The following CELF4 variants were observed in gnomAD, a reference collection of about 807,000 sequenced individuals.
CELF4 encodes the protein CUGBP Elav-like family member 4, also known as CUG-BP- and ETR-3-like factor 4.
In CELF4, 18 loss-of-function variants were observed where a neutral mutation model predicts 59.9. The observed-to-expected ratio is 0.30, with a 90% CI of 0.21 to 0.45. The LOEUF is 0.45. Among genes scored for constraint, CELF4 ranks in the 20% least tolerant of loss-of-function variants. The pLI, the probability that CELF4 is intolerant of heterozygous loss-of-function variation, is 1.00. For missense variants in CELF4, 456 were observed against 689.0 expected, an observed-to-expected ratio of 0.66 and a Z score of 3.79; for synonymous variants, 261 against 267.1, an observed-to-expected ratio of 0.98 and a Z score of 0.22.
At chr18:37,449,377 A>G (rs2099756888) in intron 2 of CELF4, among the ~76,000 whole-genome samples, 1 of 152,166 alleles carries the variant, frequency 6.6e-6, no homozygotes, top group Non-Finnish European at 1.5e-5. Context: ...GGAAAGGGGC[A>G]TGACAGTGCT....
intron 2 of CELF4, among the ~76,000 whole-genome samples, chr18:37,363,548 A>T (rs1375594736): frequency 6.6e-6 from 1 of 152,164 alleles, no homozygotes; most frequent in African/African-American, 2.4e-5. Context: ...GTTACCAGAG[A>T]GTTATGCTAG....
At position 37,494,764 on chromosome 18, in the gene CELF4, G is replaced by A. The variant is rs190787304; in HGVS notation, c.287-9157C>T. Among the ~76,000 whole-genome samples, 354 of 152,236 alleles carry A rather than the reference G, an allele frequency of 2.3e-3. 1 individual carries two copies. Among genetic ancestry groups the A allele is most frequent in the Non-Finnish European group, 3.8e-3 (256 of 68,016 alleles). On this transcript the variant is annotated intron_variant, in intron 1 of 12. Coordinates refer to ENST00000420428, the MANE Select transcript of CELF4 (RefSeq NM_020180.4). ...GCTCAGTTCCTGCTTTCCCCTCCAG[G>A]AGCCCTAGGCAGTGTCTGAGGACAG...
At chr18:37,437,108 G>A (rs948547) in intron 2 of CELF4, among the ~76,000 whole-genome samples, 17,791 of 152,118 alleles carry the variant, frequency 0.12, 1,101 homozygotes, top group Middle Eastern at 0.16. Flanking sequence ...CATAGCTGGG[G>A]GCCAGGCTCC....
intron 3 of CELF4, among the ~76,000 whole-genome samples, chr18:37,313,926 G>T (rs1163314388): frequency 2.0e-5 from 3 of 152,200 alleles, no homozygotes; most frequent in African/African-American, 7.2e-5. Context: ...ATCAGTGCTG[G>T]CATGGTGAGG....
chr18:37,336,236 C>G (rs1005147196), intron 2 of CELF4, among the ~76,000 whole-genome samples: 2 of 152,234 alleles, frequency 1.3e-5, no homozygotes, highest in Non-Finnish European at 2.9e-5. Context: ...CTCCTTTTCT[C>G]TATCCTGTGT....
chr18:37,383,312 C>T (rs2099063508), intron 2 of CELF4, among the ~76,000 whole-genome samples: 1 of 152,154 alleles, frequency 6.6e-6, no homozygotes, highest in African/African-American at 2.4e-5. Flanking sequence ...GGTGGTGCTG[C>T]AGCAGGAAAT....
At chr18:37,417,780 C>T (rs538904485) in intron 2 of CELF4, among the ~76,000 whole-genome samples, 3 of 152,212 alleles carry the variant, frequency 2.0e-5, no homozygotes, top group South Asian at 4.1e-4. Flanking sequence ...TCAACCCCAT[C>T]CAGATGTCCT....
At chr18:37,484,935 C>G (rs1406074077) in intron 2 of CELF4, among the ~76,000 whole-genome samples, 1 of 152,140 alleles carries the variant, frequency 6.6e-6, no homozygotes, top group Non-Finnish European at 1.5e-5. Context: ...CAGGAGAGAC[C>G]GCGCAGACCC....
At chr18:37,355,578 C>G (rs1335704084) in intron 2 of CELF4, among the ~76,000 whole-genome samples, 2 of 152,086 alleles carry the variant, frequency 1.3e-5, no homozygotes, top group Admixed American at 6.5e-5. Context: ...GAGGCTGAGG[C>G]AGGAGAATCG....
chr18:37,499,836 G>A (rs781308781), intron 1 of CELF4, among the ~76,000 whole-genome samples: 6 of 152,246 alleles, frequency 3.9e-5, no homozygotes, highest in Non-Finnish European at 8.8e-5. Flanking sequence ...ATCCAGCACA[G>A]TCCTGGCACC....
chr18:37,383,514 C>T (rs1003061651), intron 2 of CELF4, among the ~76,000 whole-genome samples: 1 of 152,218 alleles, frequency 6.6e-6, no homozygotes, highest in Non-Finnish European at 1.5e-5. Context: ...AATCCTCAGC[C>T]AGCTGAAAAC....
chr18:37,351,601 T>C (rs1443623069), intron 2 of CELF4, among the ~76,000 whole-genome samples: 1 of 115,008 alleles, frequency 8.7e-6, no homozygotes, highest in Middle Eastern at 5.1e-3. Context: ...CTTTTCTTTT[T>C]CTTCTTCTTC....
chr18:37,470,841 T>A (rs2099819164), intron 2 of CELF4, among the ~76,000 whole-genome samples: 1 of 35,466 alleles, frequency 2.8e-5, no homozygotes, highest in Admixed American at 4.2e-4. Context: ...TGACTCTGTG[T>A]GTGTGTGTGT....
Position 37,275,258 on chromosome 18 carries a change from G to A in CELF4, c.449-15C>T, listed in dbSNP as rs2092895723. On this transcript the variant is annotated splice_polypyrimidine_tract_variant and intron_variant, in intron 3 of 12. Transcript: ENST00000420428. ...TTTTCTATCTTCTAGAACAAAATTA[G>A]GAGATGCTTACCCGGGCCAGGGACC... The A allele has an allele frequency of 6.2e-7, 1 of 1,613,128 alleles. No homozygotes were observed. Among genetic ancestry groups the A allele is most frequent in the Non-Finnish European group, 8.5e-7 (1 of 1,179,748 alleles).
At chr18:37,408,893 T>C (rs1750713955) in intron 2 of CELF4, among the ~76,000 whole-genome samples, 1 of 152,174 alleles carries the variant, frequency 6.6e-6, no homozygotes, top group South Asian at 2.1e-4. Context: ...GCTCTGGTCT[T>C]AGGAAGCACA....
At chr18:37,383,124 A>G (rs2099060941) in intron 2 of CELF4, among the ~76,000 whole-genome samples, 1 of 152,194 alleles carries the variant, frequency 6.6e-6, no homozygotes, top group Non-Finnish European at 1.5e-5. Flanking sequence ...CCTGGGCTCA[A>G]GCCATCCTCT....
chr18:37,462,756 C>A (rs2099797192), intron 2 of CELF4, among the ~76,000 whole-genome samples: 1 of 151,628 alleles, frequency 6.6e-6, no homozygotes, highest in African/African-American at 2.4e-5. Context: ...ACCCCTGGCC[C>A]AGCACAAATT....
chr18:37,539,462 CACACACACAA>C (rs1204690509), intron 1 of CELF4, among the ~76,000 whole-genome samples: 96 of 114,400 alleles, frequency 8.4e-4, no homozygotes, highest in African/African-American at 3.5e-3. Flanking sequence ...CACACACACA[CACACACACAA>C]ACACACACAC....
intron 2 of CELF4, among the ~76,000 whole-genome samples, chr18:37,340,464 G>A (rs937341108): frequency 1.3e-5 from 2 of 152,324 alleles, no homozygotes; most frequent in African/African-American, 2.4e-5. Flanking sequence ...CTGAATTGGG[G>A]ATGAGCCTGG....
Sources: gnomAD v4.1 joint callset for allele counts (sites outside exome capture counted in the v4.1 genomes callset) on GRCh38, gnomAD v4.1.1 for gene constraint, MANE v1.5 for transcripts, NCBI Gene and HGNC (gene_info 2026-07-23, HGNC 2026-07-21) for gene names.